RASGEF1B: variants seen among roughly 807,000 people sequenced by gnomAD.
RASGEF1B encodes the protein RasGEF domain family member 1B.
In RASGEF1B, 30 loss-of-function variants were observed where a neutral mutation model predicts 65.7. That is an observed-to-expected ratio of 0.46 (90% CI 0.34 to 0.62). The LOEUF (loss-of-function observed/expected upper bound fraction) is 0.62. Ranked by LOEUF, RASGEF1B falls within the 20% of genes least tolerant of loss-of-function variation. The pLI, the probability that RASGEF1B is intolerant of heterozygous loss-of-function variation, is 0.01. For missense variants in RASGEF1B, 495 were observed against 580.1 expected, an observed-to-expected ratio of 0.85 and a Z score of 1.51; for synonymous variants, 175 against 194.8, an observed-to-expected ratio of 0.90 and a Z score of 0.85.
chr4:81,429,975 A>G (rs1269459359), intron 13 of RASGEF1B, among the ~76,000 whole-genome samples: 1 of 152,210 alleles, frequency 6.6e-6, no homozygotes, highest in Non-Finnish European at 1.5e-5. Flanking sequence ...GTGTAAAAAC[A>G]TCTCCCTTTG....
In RASGEF1B at chr4:81,439,316, A is replaced by G. The variant is rs77449965; in HGVS notation, c.1104+1518T>C. ...TGTGATTTCATTTGTTTTATGAACT[A>G]CAGAGTACAATTTATATGTTCACAT... On this transcript the variant is annotated intron_variant, in intron 10 of 13. Coordinates refer to ENST00000264400, the MANE Select transcript of RASGEF1B (RefSeq NM_152545.3). Among the ~76,000 whole-genome samples, 206 of 152,320 alleles carry G rather than the reference A, an allele frequency of 1.4e-3. 3 individuals carry two copies. The East Asian group carries it at 0.032, about 24-fold the overall frequency.
Position 81,445,744 on chromosome 4 carries a change from A to G in RASGEF1B, c.824T>C (p.Met275Thr), listed in dbSNP as rs765895087. The stretch of plus-strand genomic sequence containing the variant: ...GAGACAGAAAATTCATTTCCTCACC[A>G]TACAGATTTCTGTAGCAACCAAGTA... Reference protein sequence around the residue: ...LSYLVATEICMPVKKKHRARM... With the variant: ...LSYLVATEICTPVKKKHRARM... Residue 275 changes from methionine to threonine, a missense_variant and splice_region_variant, in exon 7 of 14, where the codon ATG (methionine) becomes ACG (threonine). Met to Thr is a moderately conservative substitution (Grantham distance 81). Transcript: ENST00000264400. 1 of 1,612,486 alleles carries G rather than the reference A, an allele frequency of 6.2e-7. No individual in the cohort carries two copies. The highest frequency in any genetic ancestry group is 1.7e-5 in the Admixed American group (1 of 59,982).
At chr4:81,437,195 T>C (rs1481099725) in intron 10 of RASGEF1B, among the ~76,000 whole-genome samples, 1 of 152,256 alleles carries the variant, frequency 6.6e-6, no homozygotes, top group African/African-American at 2.4e-5. Context: ...AGGCCTCTTT[T>C]TTATTGCCTA....
intron 10 of RASGEF1B, among the ~76,000 whole-genome samples, chr4:81,435,702 C>T (rs1379223609): frequency 2.7e-5 from 4 of 149,348 alleles, no homozygotes; most frequent in Admixed American, 2.7e-4. Context: ...GTCTCGATCT[C>T]CTGACCTTGT....
chr4:81,447,236 G>C (rs112739043), intron 6 of RASGEF1B, among the ~76,000 whole-genome samples: 2,842 of 152,160 alleles, frequency 0.019, 85 homozygotes, highest in African/African-American at 0.065. Flanking sequence ...ACAAATGCCT[G>C]CATCTACTTG....
At chr4:81,456,550 A>C in intron 4 of RASGEF1B, 101 bp downstream of exon 4, 1 of 1,329,292 alleles carries the variant, frequency 7.5e-7, no homozygotes, top group African/African-American at 1.4e-5. Flanking sequence ...AAGGCAAAAC[A>C]GAGAGGAAGC....
At chr4:81,463,974 C>T (rs1229850432) in intron 1 of RASGEF1B, among the ~76,000 whole-genome samples, 2 of 152,194 alleles carry the variant, frequency 1.3e-5, no homozygotes, top group Non-Finnish European at 1.5e-5. Context: ...CCAGGAATCA[C>T]TTCCTAACAA....
At chr4:81,470,938 C>G (rs1413764491) in intron 1 of RASGEF1B, 1 of 152,756 alleles carries the variant, frequency 6.5e-6, no homozygotes, top group Admixed American at 6.5e-5. Flanking sequence ...CGCCCTTTTC[C>G]CTGGTGCAGC....
At chr4:81,451,011 T>C (rs990691618) in intron 4 of RASGEF1B, 3 of 152,236 alleles carry the variant, frequency 2.0e-5, no homozygotes, top group Non-Finnish European at 4.4e-5. Context: ...TTACTCAGAA[T>C]GGCTAATAAA....
intron 10 of RASGEF1B, among the ~76,000 whole-genome samples, chr4:81,435,227 A>T (rs557933491): frequency 4.0e-4 from 61 of 151,170 alleles, no homozygotes; most frequent in Middle Eastern, 3.4e-3. Flanking sequence ...CTGGCTAACA[A>T]GGTGAAACCC....
intron 12 of RASGEF1B, among the ~76,000 whole-genome samples, chr4:81,433,072 GA>G (rs1346931848): frequency 2.0e-5 from 3 of 149,176 alleles, no homozygotes; most frequent in African/African-American, 7.4e-5. Flanking sequence ...AAAAAAGAAA[GA>G]AAAAAATTAA....
chr4:81,449,242 C>T (rs977818560), intron 4 of RASGEF1B, among the ~76,000 whole-genome samples: 6 of 152,148 alleles, frequency 3.9e-5, no homozygotes, highest in Non-Finnish European at 7.4e-5. Flanking sequence ...TTAATGTTCA[C>T]GACCAAACTC....
intron 10 of RASGEF1B, 55 bp from the exon 11 acceptor site, chr4:81,434,789 A>G (rs775583889): frequency 1.2e-6 from 1 of 832,458 alleles, no homozygotes; most frequent in Non-Finnish European, 2.0e-6. Context: ...TTAGCCTTTC[A>G]TAAAAATACA....
At chr4:81,428,083 T>C (rs1489229879) in intron 13 of RASGEF1B, among the ~76,000 whole-genome samples, 1 of 152,252 alleles carries the variant, frequency 6.6e-6, no homozygotes, top group Non-Finnish European at 1.5e-5. Flanking sequence ...GCAAAGATCA[T>C]TAATGATAAA....
In RASGEF1B at chr4:81,448,178, G is replaced by T. The variant is rs1722108921; in HGVS notation, c.545C>A (p.Thr182Lys). ...GGTCTTGAGAACTGTGAGCCGATCT[G>T]TGGATGTGGAGCTGATTTTTGCCAG... ...EVLAKISSTS[T>K]DRLTVLKTKP... The change falls in exon 5 of 14, where the codon ACA becomes AAA. Residue 182 changes from threonine (T) to lysine (K), a missense_variant. Physicochemically the swap from Thr to Lys is moderately conservative, Grantham distance 78. Coordinates refer to ENST00000264400, the MANE Select transcript of RASGEF1B (RefSeq NM_152545.3). The T allele has an allele frequency of 6.2e-7, 1 of 1,614,016 alleles. No homozygotes were observed. Among genetic ancestry groups the T allele is most frequent in the South Asian group, 1.1e-5 (1 of 91,082 alleles).
chr4:81,471,425 A>ACAACC (rs1365603465), intron 1 of RASGEF1B, among the ~76,000 whole-genome samples: 5 of 152,320 alleles, frequency 3.3e-5, no homozygotes, highest in Non-Finnish European at 5.9e-5. Flanking sequence ...GAGGGAAGGC[A>ACAACC]CAACCCAACC....
At chr4:81,470,409 G>A (rs1288204616) in intron 1 of RASGEF1B, among the ~76,000 whole-genome samples, 1 of 152,142 alleles carries the variant, frequency 6.6e-6, no homozygotes, top group African/African-American at 2.4e-5. Context: ...CCAAGCTCTA[G>A]CTACTGTTTT....
chr4:81,464,941 G>A (rs777164034), intron 1 of RASGEF1B, among the ~76,000 whole-genome samples: 13 of 151,698 alleles, frequency 8.6e-5, no homozygotes, highest in South Asian at 4.2e-4. Context: ...AAAATTAGCC[G>A]GGCATGGTGG....
chr4:81,457,971 G>A (rs1376497140), intron 2 of RASGEF1B, among the ~76,000 whole-genome samples: 1 of 152,128 alleles, frequency 6.6e-6, no homozygotes, highest in Admixed American at 6.5e-5. Context: ...AATCTTACTT[G>A]AATATACTAC....
Sources: gnomAD v4.1 joint callset for allele counts (sites outside exome capture counted in the v4.1 genomes callset) on GRCh38, gnomAD v4.1.1 for gene constraint, MANE v1.5 for transcripts, NCBI Gene and HGNC (gene_info 2026-07-23, HGNC 2026-07-21) for gene names.